EML6: variants seen among roughly 807,000 people sequenced by gnomAD.
EML6 encodes the protein echinoderm microtubule-associated protein-like 6.
Under a neutral mutation model 240.1 loss-of-function variants are expected in EML6, and 154 were observed. The ratio of observed to expected loss-of-function variants is 0.64; its 90% CI spans 0.56 to 0.73. The LOEUF is 0.73. Ranked by LOEUF, EML6 falls within the 30% of genes least tolerant of loss-of-function variation. The probability of loss-of-function intolerance (pLI) is 0.00; values close to 1 mark genes in which losing one functional copy is unlikely to be tolerated. For synonymous variants in EML6, 1,148 were observed against 899.0 expected, an observed-to-expected ratio of 1.28 and a Z score of -4.95; for missense variants, 2,964 against 2,474.6, an observed-to-expected ratio of 1.20 and a Z score of -4.20.
At chr2:54,780,939 G>A (rs1668829497) in intron 2 of EML6, among the ~76,000 whole-genome samples, 1 of 152,078 alleles carries the variant, frequency 6.6e-6, no homozygotes, top group Non-Finnish European at 1.5e-5. Flanking sequence ...ATAATTCTTT[G>A]GGCGGTTAAG....
chr2:54,879,673 C>A, intron 17 of EML6, 33 bp downstream of exon 17: 3 of 1,222,952 alleles, frequency 2.5e-6, no homozygotes, highest in South Asian at 2.6e-5. Context: ...CGGTATCCTG[C>A]TGATACCACG....
At chr2:54,833,809 C>G (rs1326956780) in intron 7 of EML6, among the ~76,000 whole-genome samples, 1 of 152,160 alleles carries the variant, frequency 6.6e-6, no homozygotes, top group Non-Finnish European at 1.5e-5. Context: ...AACCAACAAC[C>G]TAATTCACCC....
intron 2 of EML6, among the ~76,000 whole-genome samples, chr2:54,752,002 C>CT (rs1684196718): frequency 6.6e-6 from 1 of 152,130 alleles, no homozygotes; most frequent in Non-Finnish European, 1.5e-5. Flanking sequence ...CTATTTGTAA[C>CT]TTAGGCTTCC....
intron 2 of EML6, among the ~76,000 whole-genome samples, chr2:54,752,891 C>T (rs942907764): frequency 2.0e-5 from 3 of 152,178 alleles, no homozygotes; most frequent in East Asian, 3.9e-4. Context: ...CAGGTTCAAG[C>T]GATTCTCCTG....
intron 2 of EML6, among the ~76,000 whole-genome samples, chr2:54,737,824 A>G (rs371280764): frequency 2.0e-5 from 3 of 152,070 alleles, no homozygotes; most frequent in Non-Finnish European, 4.4e-5. Context: ...CTGAGTCCCT[A>G]CTTGGGGATT....
chr2:54,939,651 C>A (rs1675324807), intron 28 of EML6, among the ~76,000 whole-genome samples: 1 of 152,178 alleles, frequency 6.6e-6, no homozygotes, highest in Admixed American at 6.5e-5. Flanking sequence ...CCTCCCCGCT[C>A]CCTGCAGTGC....
At chr2:54,930,440 T>C (rs1437007784) in intron 28 of EML6, among the ~76,000 whole-genome samples, 1 of 152,146 alleles carries the variant, frequency 6.6e-6, no homozygotes, top group Non-Finnish European at 1.5e-5. Flanking sequence ...AATTCAGAAT[T>C]TTCATGCTAC....
chr2:54,769,587 T>C (rs1037403887), intron 2 of EML6, among the ~76,000 whole-genome samples: 3 of 152,152 alleles, frequency 2.0e-5, no homozygotes, highest in South Asian at 2.1e-4. Flanking sequence ...TGAGGTGTTA[T>C]TGACATTCAA....
chr2:54,925,985 A>C (rs1674522175), intron 26 of EML6, among the ~76,000 whole-genome samples: 1 of 152,228 alleles, frequency 6.6e-6, no homozygotes, highest in Non-Finnish European at 1.5e-5. Flanking sequence ...CTTTGCATGG[A>C]AAATTTTATA....
At chr2:54,798,983 G>A (rs1323961222) in intron 2 of EML6, among the ~76,000 whole-genome samples, 1 of 152,130 alleles carries the variant, frequency 6.6e-6, no homozygotes, top group East Asian at 1.9e-4. Context: ...TATCATGAAT[G>A]GATGTTGGAT....
chr2:54,771,720 A>G (rs1250602594), intron 2 of EML6, among the ~76,000 whole-genome samples: 1 of 152,252 alleles, frequency 6.6e-6, no homozygotes, highest in Non-Finnish European at 1.5e-5. Flanking sequence ...GTTGTCCGAT[A>G]ATCTGTTAAC....
At chr2:54,801,940 C>G (rs1003250297) in intron 2 of EML6, among the ~76,000 whole-genome samples, 20 of 152,154 alleles carry the variant, frequency 1.3e-4, no homozygotes, top group Non-Finnish European at 1.9e-4. Context: ...TCTTTCTTGT[C>G]TGGAGAGTTC....
intron 6 of EML6, among the ~76,000 whole-genome samples, chr2:54,829,136 G>T (rs1159378271): frequency 6.6e-6 from 1 of 152,108 alleles, no homozygotes; most frequent in East Asian, 1.9e-4. Context: ...GAACTAGTTT[G>T]CTTTTATTAT....
At chr2:54,803,875 C>A (rs866717531) in intron 2 of EML6, among the ~76,000 whole-genome samples, 11 of 152,196 alleles carry the variant, frequency 7.2e-5, no homozygotes, top group African/African-American at 2.7e-4. Context: ...GCTGACTCTC[C>A]ACTCACGGAC....
At position 54,950,640 on chromosome 2, in the gene EML6, G is replaced by C. The variant is rs1675927899; in HGVS notation, c.4084-10G>C. On this transcript the variant is annotated splice_polypyrimidine_tract_variant and intron_variant, in intron 29 of 41. Transcript: ENST00000356458. ...CTGAGGGTCACATTGATCTGTGTGT[G>C]TGAATGCAGGAGCTGGCTCTAGACC... is the stretch of plus-strand genomic sequence containing the variant. 6.4e-7 allele frequency: 1 copy of C among 1,551,412 alleles called. No individual in the cohort carries two copies. Among genetic ancestry groups the C allele is most frequent in the Admixed American group, 2.0e-5 (1 of 50,974 alleles).
intron 26 of EML6, among the ~76,000 whole-genome samples, chr2:54,917,265 C>T (rs1232429624): frequency 3.9e-5 from 6 of 151,986 alleles, no homozygotes; most frequent in Non-Finnish European, 7.4e-5. Flanking sequence ...AACTTAATAT[C>T]ACACAGCACC....
At chr2:54,822,251 A>G (rs1203850700) in intron 5 of EML6, among the ~76,000 whole-genome samples, 1 of 152,194 alleles carries the variant, frequency 6.6e-6, no homozygotes, top group Non-Finnish European at 1.5e-5. Flanking sequence ...CTTGGCAAGG[A>G]TTCAGTGAAT....
intron 2 of EML6, among the ~76,000 whole-genome samples, chr2:54,757,512 C>A (rs1285313921): frequency 1.7e-5 from 1 of 59,540 alleles, no homozygotes; most frequent in Non-Finnish European, 4.5e-5. Context: ...GGCAAGTGTT[C>A]CAGGAGTAAA....
chr2:54,837,898 C>G (rs1307596314), intron 7 of EML6, among the ~76,000 whole-genome samples: 3 of 152,176 alleles, frequency 2.0e-5, no homozygotes, highest in Non-Finnish European at 2.9e-5. Context: ...ATGCCTGGCC[C>G]TTTACCATAT....
Sources: allele counts gnomAD v4.1 joint callset (sites outside exome capture counted in the v4.1 genomes callset), GRCh38; gene constraint gnomAD v4.1.1; transcripts MANE v1.5; gene names NCBI Gene and HGNC (gene_info 2026-07-23, HGNC 2026-07-21).